Variants in PTPRN2 observed in about 807,000 individuals in gnomAD.
The protein encoded by PTPRN2 is receptor-type tyrosine-protein phosphatase N2.
A neutral mutation model predicts 118.8 loss-of-function variants in PTPRN2; 74 were observed. The ratio of observed to expected loss-of-function variants is 0.62; its 90% CI spans 0.52 to 0.76. PTPRN2 has a LOEUF of 0.76. Among genes scored for constraint, PTPRN2 ranks in the 30% least tolerant of loss-of-function variants. The probability of loss-of-function intolerance (pLI) is 0.00; values close to 1 mark genes in which losing one functional copy is unlikely to be tolerated. For synonymous variants in PTPRN2, 641 were observed against 608.0 expected (o/e 1.05, Z -0.80); for missense variants, 1,481 against 1,394.4 (o/e 1.06, Z -0.99).
chr7:158,196,341 G>T (rs1563589534), intron 4 of PTPRN2, among the ~76,000 whole-genome samples: 1 of 152,182 alleles, frequency 6.6e-6, no homozygotes, highest in Non-Finnish European at 1.5e-5. Flanking sequence ...GCAGGCCACT[G>T]AGCACCACTG....
At chr7:158,269,975 G>A (rs1359713140) in intron 3 of PTPRN2, among the ~76,000 whole-genome samples, 1 of 152,202 alleles carries the variant, frequency 6.6e-6, no homozygotes, top group African/African-American at 2.4e-5. Context: ...CAGAGACAGA[G>A]ATAGCCAGAG....
At chr7:158,243,428 C>A (rs1192389709) in intron 3 of PTPRN2, among the ~76,000 whole-genome samples, 1 of 152,176 alleles carries the variant, frequency 6.6e-6, no homozygotes, top group African/African-American at 2.4e-5. Context: ...GTTTAAAAGT[C>A]TGGTCACTGT....
intron 11 of PTPRN2, among the ~76,000 whole-genome samples, chr7:158,047,038 G>A (rs759560209): frequency 1.3e-5 from 2 of 152,130 alleles, no homozygotes; most frequent in African/African-American, 2.4e-5. Flanking sequence ...AAACGCCCCC[G>A]CCCCTCGCCC....
At chr7:158,070,717 TGTG>T (rs1484324360) in intron 11 of PTPRN2, among the ~76,000 whole-genome samples, 3 of 47,946 alleles carry the variant, frequency 6.3e-5, no homozygotes, top group Non-Finnish European at 1.1e-4. Context: ...CGGAGGTGCC[TGTG>T]GTGTGGAGGT....
intron 11 of PTPRN2, among the ~76,000 whole-genome samples, chr7:157,992,992 C>T (rs1040963528): frequency 8.5e-5 from 13 of 152,206 alleles, no homozygotes; most frequent in South Asian, 2.1e-4. Context: ...CTGGAGCCCC[C>T]GTCTTACTGG....
chr7:158,478,049 G>A lies in PTPRN2; in HGVS notation c.163+11686C>T, dbSNP rs370478060. ...CCGAGAGCCTGTGGGGCAGGAAACC[G>A]AGTGGGAAGAGCCAAGGGGTGGTAG... On this transcript the variant is annotated intron_variant, in intron 2 of 22. Coordinates refer to ENST00000389418, the MANE Select transcript of PTPRN2 (RefSeq NM_002847.5). Among the ~76,000 whole-genome samples, 30 of 152,376 alleles carry A rather than the reference G, an allele frequency of 2.0e-4. No individual in the cohort carries two copies. In the South Asian group the frequency reaches 2.5e-3, roughly 13 times the overall value.
rs905719656 is a variant in PTPRN2, at chr7:158,544,652, AT to A, written c.112+42905del. Among the ~76,000 whole-genome samples, 12 of 152,090 alleles carry A rather than the reference AT, an allele frequency of 7.9e-5. No homozygotes were observed. The highest frequency in any genetic ancestry group is 2.7e-4 in the African/African-American group (11 of 41,418). On this transcript the variant is annotated intron_variant, in intron 1 of 22. Transcript: ENST00000389418. The surrounding 1 kb of genome is among the most constrained non-coding windows in gnomAD (Gnocchi z 4.2). ...AAACTCTGTCTCAAAAAAAAAAAAA[AT>A]TATGAGATTTTTTTGCAATTTTTTA...
chr7:157,891,314 G>A (rs1796786654), intron 12 of PTPRN2, among the ~76,000 whole-genome samples: 1 of 152,086 alleles, frequency 6.6e-6, no homozygotes, highest in African/African-American at 2.4e-5. Context: ...CAGGGTGGAA[G>A]TCAGGGGGAA....
At position 157,739,502 on chromosome 7, in the gene PTPRN2, C is replaced by T. The variant is rs1439442887; in HGVS notation, c.1789-56565G>A. The T allele has an allele frequency of 4.6e-5, 7 of 152,184 alleles. No individual in the cohort carries two copies. The South Asian group carries it at 1.5e-3, about 32-fold the overall frequency. 9.4% of individuals were successfully genotyped at this position (152,184 alleles called of 1,614,324 possible). A position where few individuals can be genotyped will look rare whatever the true frequency, so the allele number is the denominator to read the frequency against. On this transcript the variant is annotated intron_variant, in intron 12 of 22. Coordinates refer to ENST00000389418, the MANE Select transcript of PTPRN2 (RefSeq NM_002847.5). ...CCTGTAAAAAATGTTAAAGTGCCAGCAAGAAATTGAGGGTAGTATCTTGGA... is the reference window on the plus strand; with the variant it reads ...CCTGTAAAAAATGTTAAAGTGCCAGTAAGAAATTGAGGGTAGTATCTTGGA...
intron 9 of PTPRN2, among the ~76,000 whole-genome samples, chr7:158,116,651 G>T (rs753736991): frequency 6.6e-6 from 1 of 152,236 alleles, no homozygotes; most frequent in Admixed American, 6.5e-5. Flanking sequence ...GGGCACCATT[G>T]TTTGGCCACC....
At chr7:158,364,572 C>G (rs975132237) in intron 2 of PTPRN2, among the ~76,000 whole-genome samples, 1 of 152,224 alleles carries the variant, frequency 6.6e-6, no homozygotes, top group African/African-American at 2.4e-5. Flanking sequence ...TAATGAGGTT[C>G]ATATTAAAGG....
At chr7:158,394,133 C>A (rs58386485) in intron 2 of PTPRN2, among the ~76,000 whole-genome samples, 1 of 150,632 alleles carries the variant, frequency 6.6e-6, no homozygotes, top group Admixed American at 6.6e-5. Context: ...CTGTCCCCCA[C>A]GGACACCTCA....
At chr7:157,768,909 A>T (rs1025077096) in intron 12 of PTPRN2, among the ~76,000 whole-genome samples, 1 of 152,172 alleles carries the variant, frequency 6.6e-6, no homozygotes, top group East Asian at 1.9e-4. Flanking sequence ...GGCGAAGTCG[A>T]CACACACATC....
At chr7:158,097,367 T>A (rs1313851215) in intron 10 of PTPRN2, among the ~76,000 whole-genome samples, 2 of 152,176 alleles carry the variant, frequency 1.3e-5, no homozygotes, top group Non-Finnish European at 2.9e-5. Flanking sequence ...TTCCCACTGC[T>A]GCCTCTTCGG....
intron 2 of PTPRN2, among the ~76,000 whole-genome samples, chr7:158,458,529 C>T (rs1039657942): frequency 2.0e-5 from 3 of 152,108 alleles, no homozygotes; most frequent in Non-Finnish European, 2.9e-5. Context: ...TGCAAAACCA[C>T]GCCCCCACCC....
chr7:157,756,304 AT>A (rs3043661), intron 12 of PTPRN2, among the ~76,000 whole-genome samples: 12,995 of 144,994 alleles, frequency 0.09, 713 homozygotes, highest in African/African-American at 0.17. Context: ...CTTTTAATTA[AT>A]TTTTTTTTTT....
chr7:158,418,140 C>T (rs1233114247), intron 2 of PTPRN2, among the ~76,000 whole-genome samples: 5 of 150,884 alleles, frequency 3.3e-5, no homozygotes, highest in South Asian at 4.2e-4. Context: ...CTCCATGTCC[C>T]GCTGTGTTAA....
intron 2 of PTPRN2, among the ~76,000 whole-genome samples, chr7:158,356,999 A>G (rs1808440291): frequency 6.6e-6 from 1 of 152,182 alleles, no homozygotes; most frequent in Non-Finnish European, 1.5e-5. Context: ...CCGTCTGGCT[A>G]CCAGGCCTCT....
chr7:158,143,070 C>T lies in PTPRN2; in HGVS notation c.911-4555G>A, dbSNP rs77192822. 1.8e-3 allele frequency among the ~76,000 whole-genome samples: 278 copies of T among 152,302 alleles called. 1 individual carries two copies. Among genetic ancestry groups the T allele is most frequent in the African/African-American group, 6.2e-3 (259 of 41,556 alleles). On this transcript the variant is annotated intron_variant, in intron 6 of 22. Transcript: ENST00000389418. ...TTTTCATTCTCATTCACTGCAGTCT[C>T]CTCCCACCACAGATCTTTTTCTTTC...
Sources: allele counts gnomAD v4.1 joint callset (sites outside exome capture counted in the v4.1 genomes callset), GRCh38; gene constraint gnomAD v4.1.1; non-coding constraint Gnocchi (gnomAD v3.1); transcripts MANE v1.5; gene names NCBI Gene and HGNC (gene_info 2026-07-23, HGNC 2026-07-21).